The following INSC variants were observed in gnomAD, a reference collection of about 807,000 sequenced individuals.
INSC encodes INSC spindle orientation adaptor protein.
In INSC, 67 loss-of-function variants were observed where a neutral mutation model predicts 58.6. That is an observed-to-expected ratio of 1.14 (90% CI 0.94 to 1.40). The LOEUF (loss-of-function observed/expected upper bound fraction) is 1.40, where lower values mean the gene tolerates loss of function less well. Among genes scored for constraint, INSC ranks in the 40% most tolerant of loss-of-function variants. The pLI is 0.00. For synonymous variants in INSC, 262 were observed against 276.1 expected (o/e 0.95, Z 0.51); for missense variants, 714 against 692.0 (o/e 1.03, Z -0.36).
In INSC at chr11:15,246,198, T is replaced by A. The variant is rs547878132; in HGVS notation, c.*158T>A. The A allele has an allele frequency of 5.8e-5, 38 of 660,460 alleles. No individual in the cohort carries two copies. The highest frequency in any genetic ancestry group is 5.6e-4 in the African/African-American group (31 of 55,598). 40.9% of individuals were successfully genotyped at this position (660,460 alleles called of 1,614,324 possible). On this transcript the variant is annotated 3_prime_UTR_variant, in exon 13 of 13. Coordinates refer to ENST00000379556, the MANE Select transcript of INSC (RefSeq NM_001042536.3). ...TGGAGGACAAAATCTTAGAGCAACA[T>A]CATCAAACAGTCTTTGGTCCTTGAG...
chr11:15,212,979 TA>T (rs1851084710), intron 7 of INSC, among the ~76,000 whole-genome samples: 1 of 152,182 alleles, frequency 6.6e-6, no homozygotes, highest in African/African-American at 2.4e-5. Flanking sequence ...TTTTAAGGAT[TA>T]AAAATGAGGC....
intron 1 of INSC, among the ~76,000 whole-genome samples, chr11:15,147,666 G>A (rs1411185433): frequency 1.3e-5 from 2 of 152,154 alleles, no homozygotes; most frequent in African/African-American, 2.4e-5. Flanking sequence ...AGAAACACAT[G>A]TGGTGTCTAC....
intron 2 of INSC, among the ~76,000 whole-genome samples, chr11:15,164,156 T>A (rs1387205571): frequency 1.3e-5 from 2 of 152,202 alleles, no homozygotes; most frequent in Non-Finnish European, 1.5e-5. Flanking sequence ...TTTTCTGGCA[T>A]TTTCTCATTG....
intron 1 of INSC, among the ~76,000 whole-genome samples, chr11:15,116,825 C>CTTTCTTTCT (rs1847714370): frequency 2.9e-5 from 1 of 34,624 alleles, no homozygotes; most frequent in African/African-American, 1.8e-4. Context: ...TTCTTTCTTT[C>CTTTCTTTCT]TTTCTTTCTT....
intron 5 of INSC, among the ~76,000 whole-genome samples, chr11:15,186,358 C>T (rs1031087997): frequency 2.0e-5 from 3 of 151,900 alleles, no homozygotes; most frequent in Non-Finnish European, 4.4e-5. Context: ...TACTCTTCTT[C>T]TCATGTGGGT....
At chr11:15,261,839 T>C in the INSC span, among the ~76,000 whole-genome samples, 5 of 152,070 alleles carry the variant, frequency 3.3e-5, no homozygotes, top group Admixed American at 6.6e-5. Context: ...GGACTTAGGA[T>C]CTAATCCACT....
chr11:15,226,367 A>G (rs1159665362), intron 9 of INSC, among the ~76,000 whole-genome samples: 1 of 152,164 alleles, frequency 6.6e-6, no homozygotes, highest in South Asian at 2.1e-4. Flanking sequence ...ATAATTGTCT[A>G]TGTATATTTG....
chr11:15,188,218 T>C, intron 5 of INSC: 1 of 985,390 alleles, frequency 1.0e-6, no homozygotes, highest in African/African-American at 1.7e-5. Context: ...CAATACATAG[T>C]GTTAGATGCG....
the INSC span, among the ~76,000 whole-genome samples, chr11:15,267,622 G>A: frequency 2.0e-5 from 3 of 151,686 alleles, no homozygotes; most frequent in Admixed American, 6.6e-5. Context: ...GTCTTCACAT[G>A]CTCTTTCTTC....
the INSC span, among the ~76,000 whole-genome samples, chr11:15,264,629 C>G: frequency 6.7e-6 from 1 of 149,970 alleles, no homozygotes; most frequent in Non-Finnish European, 1.5e-5. Context: ...TGCTGTATCT[C>G]TATTCTGCTG....
In INSC at chr11:15,225,627, TTTTC is replaced by T; in HGVS notation, c.992-17_992-14del. 1 of 1,605,888 alleles carries T rather than the reference TTTTC, an allele frequency of 6.2e-7. No homozygotes were observed. Among genetic ancestry groups the T allele is most frequent in the Non-Finnish European group, 8.5e-7 (1 of 1,174,952 alleles). ...ATGAAAACACTTGGCACGGAAGTTA[TTTTC>T]TTTCTCTTTGCCATCCAGAACTGTG... On this transcript the variant is annotated intron_variant, in intron 8 of 12. Coordinates refer to ENST00000379556, the MANE Select transcript of INSC (RefSeq NM_001042536.3).
At chr11:15,243,989 C>T (rs955745855) in intron 12 of INSC, among the ~76,000 whole-genome samples, 15 of 148,842 alleles carry the variant, frequency 1.0e-4, no homozygotes, top group Non-Finnish European at 1.5e-4. Context: ...TCTTTTTTCT[C>T]TGTTGTCTCT....
intron 9 of INSC, among the ~76,000 whole-genome samples, chr11:15,226,468 G>T (rs1461111958): frequency 6.6e-6 from 1 of 152,148 alleles, no homozygotes; most frequent in African/African-American, 2.4e-5. Context: ...AAGGCTCTTT[G>T]AACTCTGATG....
At chr11:15,219,084 C>T (rs1851336895) in intron 7 of INSC, among the ~76,000 whole-genome samples, 1 of 152,130 alleles carries the variant, frequency 6.6e-6, no homozygotes, top group Non-Finnish European at 1.5e-5. Context: ...TAGTGCTTCT[C>T]TGAATTGCTG....
Position 15,115,858 on chromosome 11 carries a change from T to C in INSC, c.-46+855T>C, listed in dbSNP as rs61877963. On this transcript the variant is annotated intron_variant, in intron 1 of 12. Transcript: ENST00000379556. ...GACATGTATGCAACATGCACCCACT[T>C]TGTTCAATGCATATGCGCAAATGTA... Among the ~76,000 whole-genome samples the C allele has an allele frequency of 3.9e-3, 596 of 152,348 alleles. 3 individuals carry two copies. The highest frequency in any genetic ancestry group is 5.4e-3 in the Non-Finnish European group (367 of 68,036).
intron 5 of INSC, among the ~76,000 whole-genome samples, chr11:15,181,430 A>C (rs1291066588): frequency 2.0e-5 from 3 of 152,108 alleles, no homozygotes; most frequent in African/African-American, 7.2e-5. Flanking sequence ...CCTTCACCCC[A>C]GTATTAAGGG....
intron 1 of INSC, among the ~76,000 whole-genome samples, chr11:15,145,128 C>G (rs981566627): frequency 2.6e-5 from 4 of 152,214 alleles, no homozygotes; most frequent in African/African-American, 9.7e-5. Flanking sequence ...ACTCTTCCTT[C>G]CAACAGGAAG....
intron 7 of INSC, among the ~76,000 whole-genome samples, chr11:15,202,009 T>TG (rs1296500029): frequency 1.3e-5 from 2 of 152,220 alleles, no homozygotes; most frequent in Non-Finnish European, 2.9e-5. Context: ...CTCAGATTAT[T>TG]GGGACAGGGT....
At chr11:15,182,511 G>C (rs1454601207) in intron 5 of INSC, among the ~76,000 whole-genome samples, 1 of 152,180 alleles carries the variant, frequency 6.6e-6, no homozygotes, top group Non-Finnish European at 1.5e-5. Flanking sequence ...CATTTGAACT[G>C]TTTTCCTTTT....
Sources: gnomAD v4.1 joint callset for allele counts (sites outside exome capture counted in the v4.1 genomes callset) on GRCh38, gnomAD v4.1.1 for gene constraint, MANE v1.5 for transcripts, NCBI Gene and HGNC (gene_info 2026-07-23, HGNC 2026-07-21) for gene names.